Variants in SYNE2 observed in about 807,000 individuals in gnomAD.
SYNE2 encodes nesprin-2.
Under a neutral mutation model 856.3 loss-of-function variants are expected in SYNE2, and 431 were observed. The observed-to-expected ratio is 0.50, with a 90% CI of 0.47 to 0.55. The LOEUF (loss-of-function observed/expected upper bound fraction) is 0.55. Among genes scored for constraint, SYNE2 ranks in the 20% least tolerant of loss-of-function variants. The pLI is 0.00. For missense variants in SYNE2, 8,129 were observed against 8,023.2 expected (o/e 1.01, Z -0.50); for synonymous variants, 2,923 against 2,872.3 (o/e 1.02, Z -0.56).
intron 96 of SYNE2, among the ~76,000 whole-genome samples, chr14:64,179,719 C>T (rs761275065): frequency 6.6e-6 from 1 of 151,668 alleles, no homozygotes; most frequent in Non-Finnish European, 1.5e-5. Context: ...GATTTTTTTC[C>T]ATTGGGCTAT....
At chr14:63,882,821 A>T (rs942128005) in intron 1 of SYNE2, among the ~76,000 whole-genome samples, 1 of 152,194 alleles carries the variant, frequency 6.6e-6, no homozygotes, top group Non-Finnish European at 1.5e-5. Flanking sequence ...TGGACTCAGG[A>T]TGGAGCTCAG....
At position 64,003,399 on chromosome 14, in the gene SYNE2, G is replaced by A. The variant is rs897565189; in HGVS notation, c.4397+69G>A. 2.3e-5 allele frequency: 36 copies of A among 1,588,420 alleles called. No homozygotes were observed. The Admixed American group carries it at 5.8e-4, about 26-fold the overall frequency. On this transcript the variant is annotated intron_variant, in intron 30 of 115. Coordinates refer to ENST00000555002, the MANE Select transcript of SYNE2 (RefSeq NM_182914.3). ...TTCTGTATTTTCACTTCTGTTAGGT[G>A]AAAGAAATTCTTCCTATGTCTTTCT...
intron 45 of SYNE2, among the ~76,000 whole-genome samples, chr14:64,044,801 C>T (rs1456228344): frequency 6.6e-6 from 1 of 152,130 alleles, no homozygotes; most frequent in Non-Finnish European, 1.5e-5. Flanking sequence ...TGACTTACTC[C>T]TTGCCTTCCG....
In SYNE2 at chr14:64,070,657, G is replaced by T. The variant is rs1009893200; in HGVS notation, c.10444G>T (p.Ala3482Ser). The change falls in exon 52 of 116, where the codon GCA becomes TCA. Residue 3482 changes from alanine to serine, a missense_variant. Around this residue, in one of 3 missense-constraint regions of SYNE2, gnomAD observed 5,410 missense variants for 5,284.8 expected, o/e 1.02. Coordinates refer to ENST00000555002, the MANE Select transcript of SYNE2 (RefSeq NM_182914.3). ...TTTTTTGAATTAGATTGAACGAGAG[G>T]CAATTATTTTAGATAATCTTCAGGA... is the stretch of plus-strand genomic sequence containing the variant. Reference protein sequence around the residue: ...KFVSEEIEREAIILDNLQEEL... With the variant: ...KFVSEEIERESIILDNLQEEL... The T allele has an allele frequency of 1.9e-6, 3 of 1,613,088 alleles. No individual in the cohort carries two copies. Among genetic ancestry groups the T allele is most frequent in the Non-Finnish European group, 1.7e-6 (2 of 1,179,500 alleles).
chr14:63,897,709 T>C (rs910551395), intron 1 of SYNE2, among the ~76,000 whole-genome samples: 1 of 152,170 alleles, frequency 6.6e-6, no homozygotes, highest in African/African-American at 2.4e-5. Flanking sequence ...CTTGTATGCT[T>C]CTTTGGTTGG....
chr14:63,815,217 C>CGGATATATAT lies in SYNE2; in HGVS notation c.-304-37284_-304-37283insGGATATATAT, dbSNP rs1261513232. On this transcript the variant is annotated intron_variant, in intron 1 of 23. Coordinates refer to the SYNE2 transcript ENST00000674003. Reference sequence around the variant, plus strand: ...CCATATATATATCCATATATATATCCATATATATATCCATATATATATGGA... The same window carrying CGGATATATAT: ...CCATATATATATCCATATATATATCCGGATATATATATATATATATCCATATATATATGGA... Among the ~76,000 whole-genome samples the CGGATATATAT allele has an allele frequency of 1.8e-3, 62 of 35,194 alleles. 3 individuals are homozygous for CGGATATATAT. Among genetic ancestry groups the CGGATATATAT allele is most frequent in the Admixed American group, 2.3e-3 (8 of 3,454 alleles). 23.1% of individuals were successfully genotyped at this position (35,194 alleles called of 152,430 possible). A position where few individuals can be genotyped will look rare whatever the true frequency, so the allele number is the denominator to read the frequency against.
rs1167883101 is a variant in SYNE2, at chr14:63,986,532, T to C, written c.2228T>C (p.Ile743Thr). ...GTGGCTAAAGATGTTGAAAAACTCA[T>C]TGGACAAGTGGAAATCTGGGAGGCA... is the stretch of plus-strand genomic sequence containing the variant. ...LKVAKDVEKL[I>T]GQVEIWEAEA... The change falls in exon 19 of 116, where the codon ATT (isoleucine) becomes ACT (threonine). Residue 743 changes from isoleucine (I) to threonine (T), a missense_variant. Physicochemically the swap from Ile to Thr is moderately conservative, Grantham distance 89. Transcript: ENST00000555002. 2 of 1,614,136 alleles carry C rather than the reference T, an allele frequency of 1.2e-6. No homozygotes were observed. Among genetic ancestry groups the C allele is most frequent in the South Asian group, 2.2e-5 (2 of 91,082 alleles).
chr14:64,016,529 C>G lies in SYNE2; in HGVS notation c.4785C>G (p.Asn1595Lys), dbSNP rs199704293. 6.2e-7 allele frequency: 1 copy of G among 1,602,954 alleles called. No homozygotes were observed. The highest frequency in any genetic ancestry group is 1.3e-5 in the African/African-American group (1 of 74,500). Residue 1595 changes from asparagine to lysine, a missense_variant, in exon 33 of 116, where the codon AAC (asparagine) becomes AAG (lysine). Physicochemically the swap from Asn to Lys is moderately conservative, Grantham distance 94. Around this residue, in one of 3 missense-constraint regions of SYNE2, gnomAD observed 2,422 missense variants for 2,357.4 expected, o/e 1.03. Transcript: ENST00000555002. Reference sequence around the variant, plus strand: ...ATTTAGAAGTTGTAGACAAGATAAACCAGGTCTGCAAAAATCTACAATTTT... The same window carrying G: ...ATTTAGAAGTTGTAGACAAGATAAAGCAGGTCTGCAAAAATCTACAATTTT... ...NEHLEVVDKI[N>K]QVCKNLQFYL...
intron 94 of SYNE2, chr14:64,174,145 C>A (rs1040234322): frequency 7.4e-6 from 3 of 408,068 alleles, no homozygotes; most frequent in African/African-American, 6.2e-5. Context: ...GATCTTGGCT[C>A]ACTGCAATCT....
At chr14:63,940,548 T>C in intron 2 of SYNE2, 66 bp from the exon 3 acceptor site, 1 of 1,449,808 alleles carries the variant, frequency 6.9e-7, no homozygotes, top group South Asian at 1.1e-5. Context: ...CCTTTGAAGC[T>C]CTGATATGTG....
At chr14:64,076,612 A>C (rs78104306) in intron 54 of SYNE2, among the ~76,000 whole-genome samples, 29,524 of 152,098 alleles carry the variant, frequency 0.19, 3,686 homozygotes, top group South Asian at 0.27. Flanking sequence ...CCAGATTTAA[A>C]GAAAAGGTGG....
chr14:64,121,156 G>A, intron 68 of SYNE2, 95 bp downstream of exon 68: 1 of 1,547,580 alleles, frequency 6.5e-7, no homozygotes, highest in African/African-American at 1.4e-5. Context: ...TTGGGAGGCT[G>A]AGGTGGGAGG....
At position 63,990,584 on chromosome 14, in the gene SYNE2, T is replaced by C. The variant is rs2096659140; in HGVS notation, c.2472+15T>C. ...AGAAAGTCCAGGTCTCTCTTTAATATTCCCTATTTAGTAATTCTGTTCTCT... is the reference window on the plus strand; with the variant it reads ...AGAAAGTCCAGGTCTCTCTTTAATACTCCCTATTTAGTAATTCTGTTCTCT... On this transcript the variant is annotated intron_variant, in intron 20 of 115. Transcript: ENST00000555002. 2.5e-6 allele frequency: 4 copies of C among 1,612,400 alleles called. No individual in the cohort carries two copies. Among genetic ancestry groups the C allele is most frequent in the Admixed American group, 1.7e-5 (1 of 59,996 alleles).
intron 113 of SYNE2, 127 bp downstream of exon 113, chr14:64,223,507 T>G: frequency 4.2e-6 from 4 of 959,416 alleles, no homozygotes; most frequent in South Asian, 1.4e-5. Context: ...TGGGGCCTCA[T>G]GTCGTGCCCT....
chr14:64,119,523 G>T lies in SYNE2; in HGVS notation c.12937G>T (p.Glu4313Ter). Residue 4313 changes from glutamate to a stop codon, truncating the protein, a stop_gained, in exon 67 of 116, where the codon GAA becomes TAA. Coordinates refer to ENST00000555002, the MANE Select transcript of SYNE2 (RefSeq NM_182914.3). LOFTEE classifies it high-confidence loss of function. ...TAATGGAGCCACTCAACATGAGGCT[G>T]AAGCGCTTTCCCTGAAACTGAAAAC... ...GDNGATQHEA[E>*]ALSLKLKTVK... The T allele has an allele frequency of 6.2e-7, 1 of 1,614,236 alleles. No homozygotes were observed. Among genetic ancestry groups the T allele is most frequent in the Non-Finnish European group, 8.5e-7 (1 of 1,180,040 alleles).
intron 109 of SYNE2, 84 bp from the exon 110 acceptor site, chr14:64,219,124 T>TTTTTTTTTTTAAA: frequency 2.4e-6 from 2 of 845,412 alleles, no homozygotes; most frequent in Non-Finnish European, 3.6e-6. Flanking sequence ...TTTTTTTTTT[T>TTTTTTTTTTTAAA]AACCACCCTG....
chr14:64,171,510 C>G (rs2098410568), intron 94 of SYNE2, among the ~76,000 whole-genome samples: 1 of 152,152 alleles, frequency 6.6e-6, no homozygotes, highest in Non-Finnish European at 1.5e-5. Context: ...TGTGTGGCTC[C>G]TTTAGATTGG....
chr14:64,021,955 A>C lies in SYNE2; in HGVS notation c.5451A>C (p.Gln1817His). 6.2e-7 allele frequency: 1 copy of C among 1,613,924 alleles called. No individual in the cohort carries two copies. Among genetic ancestry groups the C allele is most frequent in the South Asian group, 1.1e-5 (1 of 91,080 alleles). ...CTGAACTCTCTGAATTGAAAAAGCA[A>C]TATGAAAGTGTCAGTGATTTATTTA... ...LTPELSELKK[Q>H]YESVSDLFNT... The change falls in exon 37 of 116, where the codon CAA (glutamine) becomes CAC (histidine). Residue 1817 changes from glutamine to histidine, a missense_variant. Gln to His is a conservative substitution (Grantham distance 24, BLOSUM62 0). Around this residue, in one of 3 missense-constraint regions of SYNE2, gnomAD observed 2,422 missense variants for 2,357.4 expected, o/e 1.03. Transcript: ENST00000555002.
chr14:64,028,614 C>T (rs1028303453), intron 43 of SYNE2, among the ~76,000 whole-genome samples: 36 of 152,094 alleles, frequency 2.4e-4, no homozygotes, highest in Admixed American at 5.2e-4. Context: ...ATAAATCCAG[C>T]TCATTTTGCT....
Sources: gnomAD v4.1 joint callset for allele counts (sites outside exome capture counted in the v4.1 genomes callset) on GRCh38, gnomAD v4.1.1 for gene constraint, gnomAD v4.1.1 regional missense constraint, MANE v1.5 for transcripts, NCBI Gene and HGNC (gene_info 2026-07-23, HGNC 2026-07-21) for gene names.